Variants in QKI observed in about 807,000 individuals in gnomAD.
QKI encodes KH domain-containing RNA-binding protein QKI.
QKI carries 10 observed loss-of-function variants against 39.0 expected under a neutral mutation model. That is an observed-to-expected ratio of 0.26 (90% CI 0.16 to 0.43). The LOEUF (loss-of-function observed/expected upper bound fraction) is 0.43. QKI is among the 20% of genes least tolerant of loss of function. QKI has a pLI of 1.00. For synonymous variants in QKI, 204 were observed against 155.4 expected, an observed-to-expected ratio of 1.31 and a Z score of -2.33; for missense variants, 218 against 428.0, an observed-to-expected ratio of 0.51 and a Z score of 4.33.
intron 1 of QKI, among the ~76,000 whole-genome samples, chr6:163,421,986 G>A (rs893426636): frequency 6.6e-6 from 1 of 151,548 alleles, no homozygotes; most frequent in Non-Finnish European, 1.5e-5. Flanking sequence ...CCCATGATCT[G>A]ACCGCCTCGG....
Position 163,573,657 on chromosome 6 carries a change from T to G in QKI, c.*2947T>G, listed in dbSNP as rs916705711. ...GGGTGTCTTGTCTTTTTTGGGCTTT[T>G]AGTTAGCTAATGAATGAATACATTA... On this transcript the variant is annotated 3_prime_UTR_variant, in exon 8 of 8. Coordinates refer to ENST00000361752, the MANE Select transcript of QKI (RefSeq NM_006775.3). The G allele has an allele frequency of 1.3e-5, 2 of 152,228 alleles. No homozygotes were observed. Among genetic ancestry groups the G allele is most frequent in the Admixed American group, 1.3e-4 (2 of 15,280 alleles). The allele number at this position is 152,228 out of a possible 1,614,324, so 9.4% of individuals were successfully genotyped here.
intron 3 of QKI, among the ~76,000 whole-genome samples, chr6:163,523,168 C>A (rs73019495): frequency 6.6e-5 from 10 of 152,202 alleles, no homozygotes; most frequent in Non-Finnish European, 1.2e-4. Flanking sequence ...TGGTTCAGTT[C>A]TTTAGTTTTG....
At chr6:163,461,593 C>G (rs780391119) in intron 2 of QKI, among the ~76,000 whole-genome samples, 10 of 152,156 alleles carry the variant, frequency 6.6e-5, no homozygotes, top group Non-Finnish European at 1.3e-4. Flanking sequence ...TTGATATCTA[C>G]TCATAGGTGT....
intron 2 of QKI, among the ~76,000 whole-genome samples, chr6:163,459,655 C>T (rs1253111830): frequency 6.6e-6 from 1 of 152,124 alleles, no homozygotes; most frequent in African/African-American, 2.4e-5. Context: ...TTATAAGGTT[C>T]ACTTCATAGG....
chr6:163,556,259 TC>T (rs1435838975), intron 4 of QKI, among the ~76,000 whole-genome samples: 1 of 152,164 alleles, frequency 6.6e-6, no homozygotes, highest in African/African-American at 2.4e-5. Context: ...ACGCCTGTAG[TC>T]CCAGCACTTT....
chr6:163,486,466 T>C (rs560506909), intron 3 of QKI, among the ~76,000 whole-genome samples: 9 of 152,356 alleles, frequency 5.9e-5, no homozygotes, highest in Non-Finnish European at 1.0e-4. Flanking sequence ...TCTTGAATTT[T>C]GTTTTGCAGG....
chr6:163,570,856 C>A lies in QKI; in HGVS notation c.*146C>A. 6 of 1,048,876 alleles carry A rather than the reference C, an allele frequency of 5.7e-6. No homozygotes were observed. The highest frequency in any genetic ancestry group is 8.0e-6 in the Non-Finnish European group (6 of 747,564). The allele number at this position is 1,048,876 out of a possible 1,614,324, so 65.0% of individuals were successfully genotyped here. ...TTGTCCGTTCGTCTTACCATCTAAC[C>A]AAACAAAAGACAAAGAAATTGTTGT... On this transcript the variant is annotated 3_prime_UTR_variant, in exon 8 of 8. Coordinates refer to ENST00000361752, the MANE Select transcript of QKI (RefSeq NM_006775.3).
chr6:163,472,430 C>T lies in QKI; in HGVS notation c.286-6350C>T, dbSNP rs77213448. Reference sequence around the variant, plus strand: ...TGATGGAGGTGGGAGGGGTGTCATACTTGGTGTAATATTTGTGGAAAAATG... The same window carrying T: ...TGATGGAGGTGGGAGGGGTGTCATATTTGGTGTAATATTTGTGGAAAAATG... On this transcript the variant is annotated intron_variant, in intron 2 of 7. Coordinates refer to ENST00000361752, the MANE Select transcript of QKI (RefSeq NM_006775.3). Among the ~76,000 whole-genome samples the T allele has an allele frequency of 3.4e-3, 516 of 152,144 alleles. 4 individuals are homozygous for T. Among genetic ancestry groups the T allele is most frequent in the African/African-American group, 0.012 (486 of 41,522 alleles).
At chr6:163,467,657 T>C (rs1406228836) in intron 2 of QKI, among the ~76,000 whole-genome samples, 2 of 152,240 alleles carry the variant, frequency 1.3e-5, no homozygotes, top group African/African-American at 2.4e-5. Flanking sequence ...AATTATATTT[T>C]ATAAATTAGC....
chr6:163,529,324 G>C (rs1479100136), intron 3 of QKI, among the ~76,000 whole-genome samples: 1 of 152,142 alleles, frequency 6.6e-6, no homozygotes, highest in Non-Finnish European at 1.5e-5. Context: ...TTTGATATTT[G>C]ATTTGAATGA....
At chr6:163,529,858 A>G (rs2128239869) in intron 3 of QKI, among the ~76,000 whole-genome samples, 1 of 152,356 alleles carries the variant, frequency 6.6e-6, no homozygotes, top group Non-Finnish European at 1.5e-5. Flanking sequence ...GATGAGTAAT[A>G]GCTGAGACAT....
At chr6:163,470,940 G>A (rs1202563609) in intron 2 of QKI, among the ~76,000 whole-genome samples, 3 of 151,718 alleles carry the variant, frequency 2.0e-5, no homozygotes, top group Non-Finnish European at 4.4e-5. Context: ...GAGGAGAGGT[G>A]GAATGGGACA....
Position 163,552,709 on chromosome 6 carries a change from C to T in QKI, c.547-9273C>T, listed in dbSNP as rs530770130. On this transcript the variant is annotated intron_variant, in intron 4 of 7. Coordinates refer to ENST00000361752, the MANE Select transcript of QKI (RefSeq NM_006775.3). ...TTCTAGAGAAGGAATCTATAGTTACCGTAAGATTCTTAAAGCTGTTGTGAT... is the reference window on the plus strand; with the variant it reads ...TTCTAGAGAAGGAATCTATAGTTACTGTAAGATTCTTAAAGCTGTTGTGAT... Among the ~76,000 whole-genome samples, 8 of 152,210 alleles carry T rather than the reference C, an allele frequency of 5.3e-5. No homozygotes were observed. In the South Asian group the frequency reaches 6.2e-4, roughly 12 times the overall value.
At chr6:163,503,031 A>G (rs533024216) in intron 3 of QKI, among the ~76,000 whole-genome samples, 4 of 151,804 alleles carry the variant, frequency 2.6e-5, no homozygotes, top group Admixed American at 2.6e-4. Context: ...CCTTTTTCGT[A>G]GTAGCCATTC....
At chr6:163,525,493 G>A (rs1194384463) in intron 3 of QKI, among the ~76,000 whole-genome samples, 2 of 151,782 alleles carry the variant, frequency 1.3e-5, no homozygotes, top group African/African-American at 2.4e-5. Flanking sequence ...TGAGTACCTG[G>A]GATTACAGGC....
intron 3 of QKI, among the ~76,000 whole-genome samples, chr6:163,509,355 A>G (rs1187602706): frequency 6.6e-6 from 1 of 152,216 alleles, no homozygotes; most frequent in Non-Finnish European, 1.5e-5. Flanking sequence ...GCAGATGGAA[A>G]GTTGATTACA....
chr6:163,506,449 A>G (rs1015248844), intron 3 of QKI, among the ~76,000 whole-genome samples: 7 of 152,192 alleles, frequency 4.6e-5, no homozygotes, highest in South Asian at 2.1e-4. Context: ...AGGAAATTGC[A>G]TTGTACAAAT....
Position 163,436,942 on chromosome 6 carries a change from G to A in QKI, c.143-18337G>A, listed in dbSNP as rs527601946. 2.1e-4 allele frequency among the ~76,000 whole-genome samples: 32 copies of A among 152,248 alleles called. No individual in the cohort carries two copies. The South Asian group carries it at 5.6e-3, about 27-fold the overall frequency. The stretch of plus-strand genomic sequence containing the variant: ...TTGGAGAATGATTACATTCATAGGA[G>A]AAGAGCATGTAATGTTGGAGATACA... On this transcript the variant is annotated intron_variant, in intron 1 of 7. Transcript: ENST00000361752.
At chr6:163,445,976 C>G (rs1243390003) in intron 1 of QKI, among the ~76,000 whole-genome samples, 1 of 152,180 alleles carries the variant, frequency 6.6e-6, no homozygotes, top group East Asian at 1.9e-4. Context: ...AAGGCGATGT[C>G]TGTCAGATTT....
Sources: allele counts gnomAD v4.1 joint callset (sites outside exome capture counted in the v4.1 genomes callset), GRCh38; gene constraint gnomAD v4.1.1; transcripts MANE v1.5; gene names NCBI Gene and HGNC (gene_info 2026-07-23, HGNC 2026-07-21).